Variants in ARHGAP28 observed in about 807,000 individuals in gnomAD.
ARHGAP28 encodes the protein rho GTPase-activating protein 28.
In ARHGAP28, 56 loss-of-function variants were observed where a neutral mutation model predicts 90.7. That is an observed-to-expected ratio of 0.62 (90% CI 0.50 to 0.77). ARHGAP28 has a LOEUF of 0.77. ARHGAP28 is among the 30% of genes least tolerant of loss of function. The pLI, the probability that ARHGAP28 is intolerant of heterozygous loss-of-function variation, is 0.00. For missense variants in ARHGAP28, 869 were observed against 900.9 expected (o/e 0.96, Z 0.45); for synonymous variants, 308 against 323.3 (o/e 0.95, Z 0.51).
At chr18:6,753,009 G>A (rs1199174010) in intron 1 of ARHGAP28, among the ~76,000 whole-genome samples, 2 of 151,622 alleles carry the variant, frequency 1.3e-5, no homozygotes, top group African/African-American at 2.4e-5. Flanking sequence ...AGTATTAATA[G>A]ACCCTCAAGC....
intron 2 of ARHGAP28, among the ~76,000 whole-genome samples, chr18:6,832,887 TCATC>T (rs1209839215): frequency 1.3e-5 from 2 of 152,076 alleles, no homozygotes; most frequent in Non-Finnish European, 2.9e-5. Context: ...ATTTTAATAT[TCATC>T]CATAACTTAT....
Position 6,892,014 on chromosome 18 carries a change from T to C in ARHGAP28, c.1848+1471T>C, listed in dbSNP as rs542000786. ...GAGTGTTGTTGATTTATCATAATCA[T>C]GATGAAAGACTGTATTCTCTGACTC... On this transcript the variant is annotated intron_variant, in intron 14 of 17. Transcript: ENST00000383472. Among the ~76,000 whole-genome samples, 19 of 152,276 alleles carry C rather than the reference T, an allele frequency of 1.2e-4. No individual in the cohort carries two copies. In the South Asian group the frequency reaches 3.9e-3, roughly 32 times the overall value.
At chr18:6,774,976 T>A (rs1343259740) in intron 1 of ARHGAP28, among the ~76,000 whole-genome samples, 1 of 152,132 alleles carries the variant, frequency 6.6e-6, no homozygotes, top group Non-Finnish European at 1.5e-5. Flanking sequence ...TAGTGTAGTC[T>A]CAAAGCCAAG....
Position 6,839,576 on chromosome 18 carries a change from C to T in ARHGAP28, c.543+2162C>T, listed in dbSNP as rs566054485. Among the ~76,000 whole-genome samples, 23 of 152,262 alleles carry T rather than the reference C, an allele frequency of 1.5e-4. 1 individual carries two copies. In the East Asian group the frequency reaches 1.7e-3, roughly 12 times the overall value. On this transcript the variant is annotated intron_variant, in intron 3 of 17. Coordinates refer to ENST00000383472, the MANE Select transcript of ARHGAP28 (RefSeq NM_001366230.1). ...CCTCCCAAAGTGCTGGGATTACAGG[C>T]GTGAGCCACTGCGCCCGGCCATAAT...
chr18:6,763,835 C>T (rs181493432), intron 1 of ARHGAP28, among the ~76,000 whole-genome samples: 1 of 152,330 alleles, frequency 6.6e-6, no homozygotes, highest in African/African-American at 2.4e-5. Context: ...GCGGAGAGGG[C>T]TTAAGTGAGC....
chr18:6,862,484 A>C (rs2057006382), intron 5 of ARHGAP28, among the ~76,000 whole-genome samples: 1 of 152,232 alleles, frequency 6.6e-6, no homozygotes, highest in Non-Finnish European at 1.5e-5. Flanking sequence ...TCTTTCCCCC[A>C]GTCTTTAATC....
At chr18:6,766,261 A>T (rs1330780525) in intron 1 of ARHGAP28, among the ~76,000 whole-genome samples, 1 of 152,206 alleles carries the variant, frequency 6.6e-6, no homozygotes, top group African/African-American at 2.4e-5. Flanking sequence ...TTTTACTTCA[A>T]ATATTTTGAA....
At chr18:6,844,885 T>G (rs116407381) in intron 3 of ARHGAP28, among the ~76,000 whole-genome samples, 4,010 of 152,272 alleles carry the variant, frequency 0.026, 167 homozygotes, top group African/African-American at 0.088. Flanking sequence ...TCACAAATAA[T>G]TATATGCCCT....
intron 11 of ARHGAP28, among the ~76,000 whole-genome samples, chr18:6,884,243 G>A (rs995228359): frequency 2.6e-5 from 4 of 152,128 alleles, no homozygotes; most frequent in Non-Finnish European, 4.4e-5. Context: ...GCGTGGTGGC[G>A]GGCACCTGTA....
rs567622047 is a variant in ARHGAP28 at position 6,880,049 on chromosome 18, C to A, written c.1291-2088C>A. On this transcript the variant is annotated intron_variant, in intron 10 of 17. Transcript: ENST00000383472. ...GGTATGTGGAAAATGAATTTGAATT[C>A]TTCTCCTCTCGCTGGTGCTTCCTGT... 6.6e-5 allele frequency among the ~76,000 whole-genome samples: 10 copies of A among 152,312 alleles called. 1 individual carries two copies. The highest frequency in any genetic ancestry group is 2.6e-4 in the Admixed American group (4 of 15,302).
At position 6,819,001 on chromosome 18, in the gene ARHGAP28, G is replaced by C. The variant is rs78906614; in HGVS notation, c.123-5761G>C. 3.6e-3 allele frequency among the ~76,000 whole-genome samples: 554 copies of C among 152,326 alleles called. 2 individuals are homozygous for C. The highest frequency in any genetic ancestry group is 6.6e-3 in the Non-Finnish European group (448 of 68,026). ...CTGTGCAATGAGACGTACAATACTG[G>C]CTTTGGCTACTTCGTGGGGTGCATA... On this transcript the variant is annotated intron_variant, in intron 1 of 17. Transcript: ENST00000383472.
At chr18:6,827,743 C>G (rs887873749) in intron 2 of ARHGAP28, among the ~76,000 whole-genome samples, 21 of 151,442 alleles carry the variant, frequency 1.4e-4, no homozygotes, top group African/African-American at 5.1e-4. Flanking sequence ...CCTCATTTCT[C>G]AGATGGGGCG....
chr18:6,904,552 G>C (rs1277306666), intron 16 of ARHGAP28, among the ~76,000 whole-genome samples: 1 of 151,964 alleles, frequency 6.6e-6, no homozygotes, highest in Non-Finnish European at 1.5e-5. Context: ...ACAAAAATAA[G>C]AGCAAAATAT....
chr18:6,751,791 G>C (rs1285466335), intron 1 of ARHGAP28, among the ~76,000 whole-genome samples: 1 of 152,156 alleles, frequency 6.6e-6, no homozygotes, highest in Admixed American at 6.5e-5. Flanking sequence ...TTGTAATTGT[G>C]TAAGCCATAA....
At chr18:6,748,511 C>T (rs1273289274) in intron 1 of ARHGAP28, among the ~76,000 whole-genome samples, 1 of 152,154 alleles carries the variant, frequency 6.6e-6, no homozygotes, top group African/African-American at 2.4e-5. Context: ...GCAGCATTGC[C>T]ATGATGGGCA....
chr18:6,740,515 C>A (rs1270058746), intron 1 of ARHGAP28, among the ~76,000 whole-genome samples: 1 of 152,158 alleles, frequency 6.6e-6, no homozygotes, highest in East Asian at 1.9e-4. Flanking sequence ...GGACCTGAAT[C>A]CTCTGCAGAG....
chr18:6,844,033 A>C (rs1039737427), intron 3 of ARHGAP28, among the ~76,000 whole-genome samples: 1 of 152,188 alleles, frequency 6.6e-6, no homozygotes, highest in African/African-American at 2.4e-5. Flanking sequence ...AACATTCATA[A>C]GATCTGAATT....
intron 16 of ARHGAP28, among the ~76,000 whole-genome samples, chr18:6,903,257 T>C (rs1286888257): frequency 6.6e-6 from 1 of 152,178 alleles, no homozygotes; most frequent in East Asian, 1.9e-4. Context: ...TGAATATATT[T>C]AATACCACTA....
At chr18:6,819,271 T>C (rs1047681674) in intron 1 of ARHGAP28, among the ~76,000 whole-genome samples, 1 of 152,132 alleles carries the variant, frequency 6.6e-6, no homozygotes, top group African/African-American at 2.4e-5. Flanking sequence ...CTGCTACCAG[T>C]TAGGATGTAG....
Sources: gnomAD v4.1 joint callset for allele counts (sites outside exome capture counted in the v4.1 genomes callset) on GRCh38, gnomAD v4.1.1 for gene constraint, MANE v1.5 for transcripts, NCBI Gene and HGNC (gene_info 2026-07-23, HGNC 2026-07-21) for gene names.